The following PCLO variants were observed in gnomAD, a reference collection of about 807,000 sequenced individuals.
The protein encoded by PCLO is piccolo presynaptic cytomatrix protein, also known as protein piccolo.
Under a neutral mutation model 427.5 loss-of-function variants are expected in PCLO, and 82 were observed. The observed-to-expected ratio is 0.19, with a 90% confidence interval of 0.16 to 0.23. The LOEUF (loss-of-function observed/expected upper bound fraction) is 0.23. PCLO is among the 10% of genes least tolerant of loss of function. The probability of loss-of-function intolerance (pLI) is 1.00; values close to 1 mark genes in which losing one functional copy is unlikely to be tolerated. For missense variants in PCLO, 6,239 were observed against 6,115.9 expected (o/e 1.02, Z -0.67); for synonymous variants, 2,357 against 2,155.4 (o/e 1.09, Z -2.59).
At chr7:83,018,305 A>T (rs1037566151) in intron 3 of PCLO, among the ~76,000 whole-genome samples, 4 of 151,980 alleles carry the variant, frequency 2.6e-5, no homozygotes, top group African/African-American at 9.7e-5. Flanking sequence ...TGTTAGATAC[A>T]TACAGAATGT....
intron 3 of PCLO, among the ~76,000 whole-genome samples, chr7:83,130,023 T>TA (rs889816206): frequency 1.3e-4 from 19 of 151,944 alleles, no homozygotes; most frequent in African/African-American, 3.9e-4. Flanking sequence ...TTTTTTTTTT[T>TA]AATGTCCAGC....
At chr7:82,862,261 C>G (rs944743971) in intron 10 of PCLO, among the ~76,000 whole-genome samples, 2 of 151,544 alleles carry the variant, frequency 1.3e-5, no homozygotes, top group Non-Finnish European at 3.0e-5. Context: ...ATAATTTCAC[C>G]CCAGTTAAAA....
intron 3 of PCLO, among the ~76,000 whole-genome samples, chr7:83,093,507 T>TTTTTTTTTTTTTTTTTTTTTC (rs1790442766): frequency 7.8e-6 from 1 of 128,996 alleles, no homozygotes; most frequent in African/African-American, 2.8e-5. Flanking sequence ...TTTTTTTTTT[T>TTTTTTTTTTTTTTTTTTTTTC]TTTGAGATGG....
chr7:82,857,652 T>G (rs1350934756), intron 10 of PCLO, among the ~76,000 whole-genome samples: 1 of 152,130 alleles, frequency 6.6e-6, no homozygotes, highest in African/African-American at 2.4e-5. Context: ...GAAGTTTGCA[T>G]AGATTACTGA....
At chr7:82,957,394 G>A (rs1795551382) in intron 4 of PCLO, among the ~76,000 whole-genome samples, 1 of 151,984 alleles carries the variant, frequency 6.6e-6, no homozygotes, top group East Asian at 1.9e-4. Context: ...AAGTTGTAAG[G>A]GATGTTGGAG....
intron 3 of PCLO, among the ~76,000 whole-genome samples, chr7:83,042,877 AAAC>A (rs1469876585): frequency 6.6e-6 from 1 of 152,016 alleles, no homozygotes; most frequent in Non-Finnish European, 1.5e-5. Flanking sequence ...ACAAACAAAC[AAAC>A]AACAACAGCA....
chr7:82,923,674 A>C (rs1490163325), intron 6 of PCLO, among the ~76,000 whole-genome samples: 1 of 152,116 alleles, frequency 6.6e-6, no homozygotes, highest in Non-Finnish European at 1.5e-5. Context: ...ATAACATAGA[A>C]GAAATAGATA....
At chr7:82,787,110 G>A (rs1431807212) in intron 22 of PCLO, among the ~76,000 whole-genome samples, 2 of 151,962 alleles carry the variant, frequency 1.3e-5, no homozygotes, top group Non-Finnish European at 2.9e-5. Flanking sequence ...CCAGTAATGG[G>A]ATTGCTGGGT....
At chr7:83,082,594 C>G (rs1790129146) in intron 3 of PCLO, among the ~76,000 whole-genome samples, 1 of 151,498 alleles carries the variant, frequency 6.6e-6, no homozygotes, top group African/African-American at 2.4e-5. Flanking sequence ...AGGGTGACTA[C>G]AGTTAACATC....
In PCLO at chr7:82,801,551, G is replaced by T; in HGVS notation, c.14974C>A (p.Pro4992Thr). The change falls in exon 22 of 25, where the codon CCA becomes ACA. Residue 4992 changes from proline (P) to threonine (T), a missense_variant. Physicochemically the swap from Pro to Thr is conservative, Grantham distance 38. Transcript: ENST00000333891. ...GQNGQEPVKQPGVGVGLADTE... is the reference protein window; with the variant it reads ...GQNGQEPVKQTGVGVGLADTE... ...TCTGCTAGTCCTACTCCTACCCCTG[G>T]CTGTTTTACAGGCTCTTGTCCATTC... 1 of 1,598,122 alleles carries T rather than the reference G, an allele frequency of 6.3e-7. No individual in the cohort carries two copies. The highest frequency in any genetic ancestry group is 8.6e-7 in the Non-Finnish European group (1 of 1,165,902).
chr7:82,776,985 TGTTAA>T (rs1233269038), intron 22 of PCLO, among the ~76,000 whole-genome samples: 2 of 151,994 alleles, frequency 1.3e-5, no homozygotes, highest in Admixed American at 6.6e-5. Context: ...TTAGTTGTGA[TGTTAA>T]GTTGTTAATT....
intron 18 of PCLO, among the ~76,000 whole-genome samples, chr7:82,825,476 A>G (rs189096941): frequency 9.2e-5 from 14 of 152,150 alleles, no homozygotes; most frequent in African/African-American, 3.4e-4. Context: ...CAAAGTCTTA[A>G]GAACCAAACA....
intron 2 of PCLO, among the ~76,000 whole-genome samples, chr7:83,137,597 A>T (rs1269219459): frequency 6.6e-6 from 1 of 150,828 alleles, no homozygotes; most frequent in Non-Finnish European, 1.5e-5. Context: ...CGCCCGGCTG[A>T]TTTTTGGTAT....
intron 4 of PCLO, among the ~76,000 whole-genome samples, chr7:82,958,640 A>T (rs1795587107): frequency 6.6e-6 from 1 of 152,186 alleles, no homozygotes; most frequent in East Asian, 1.9e-4. Context: ...TTCAGTGTGC[A>T]CCTAGAATTA....
At chr7:83,119,073 C>T (rs1173912424) in intron 3 of PCLO, among the ~76,000 whole-genome samples, 4 of 152,156 alleles carry the variant, frequency 2.6e-5, no homozygotes, top group African/African-American at 7.2e-5. Flanking sequence ...GGTCCTAACT[C>T]CTGGATGGCA....
At chr7:82,993,021 G>A (rs1796412650) in intron 3 of PCLO, among the ~76,000 whole-genome samples, 1 of 151,776 alleles carries the variant, frequency 6.6e-6, no homozygotes, top group South Asian at 2.1e-4. Context: ...TACATACATG[G>A]CACAGTCAGA....
chr7:82,904,671 G>A lies in PCLO; in HGVS notation c.13438-1930C>T, dbSNP rs554877612. Among the ~76,000 whole-genome samples, 5 of 152,034 alleles carry A rather than the reference G, an allele frequency of 3.3e-5. No individual in the cohort carries two copies. In the South Asian group the frequency reaches 8.3e-4, roughly 25 times the overall value. On this transcript the variant is annotated intron_variant, in intron 8 of 24. Transcript: ENST00000333891. ...TTTCCAATTTTCAGGCTGGGGAGAC[G>A]TTGATGTAATCTCACAGTGCATCTA...
intron 21 of PCLO, among the ~76,000 whole-genome samples, chr7:82,803,263 G>A (rs893474288): frequency 6.6e-6 from 1 of 152,030 alleles, no homozygotes; most frequent in Non-Finnish European, 1.5e-5. Flanking sequence ...CCTTGTTGCT[G>A]AGCCAAACTC....
chr7:83,078,864 T>A (rs762817967), intron 3 of PCLO, among the ~76,000 whole-genome samples: 1 of 152,064 alleles, frequency 6.6e-6, no homozygotes, highest in Non-Finnish European at 1.5e-5. Flanking sequence ...TATAAACCTA[T>A]TTTTGCAGAA....
Sources: gnomAD v4.1 joint callset for allele counts (sites outside exome capture counted in the v4.1 genomes callset) on GRCh38, gnomAD v4.1.1 for gene constraint, MANE v1.5 for transcripts, NCBI Gene and HGNC (gene_info 2026-07-23, HGNC 2026-07-21) for gene names.